Variants in LHX3 observed in about 807,000 individuals in gnomAD.
The protein encoded by LHX3 is LIM homeobox 3.
LHX3 carries 21 observed loss-of-function variants against 32.4 expected under a neutral mutation model. The observed-to-expected ratio is 0.65, with a 90% CI of 0.46 to 0.93. LHX3 has a LOEUF of 0.93. LHX3 is among the 40% of genes least tolerant of loss of function. The pLI is 0.00. For synonymous variants in LHX3, 258 were observed against 246.8 expected, an observed-to-expected ratio of 1.05 and a Z score of -0.43; for missense variants, 626 against 560.0, an observed-to-expected ratio of 1.12 and a Z score of -1.19.
intron 1 of LHX3, among the ~76,000 whole-genome samples, chr9:136,202,125 C>T (rs1387117219): frequency 1.3e-5 from 2 of 152,146 alleles, no homozygotes; most frequent in East Asian, 3.9e-4. Flanking sequence ...CTCCCGAGCG[C>T]GGGCGCGCAG....
chr9:136,197,235 G>T lies in LHX3; in HGVS notation c.*90C>A. 7.2e-7 allele frequency: 1 copy of T among 1,385,908 alleles called. No individual in the cohort carries two copies. The highest frequency in any genetic ancestry group is 1.0e-6 in the Non-Finnish European group (1 of 989,858). 85.9% of individuals were successfully genotyped at this position (1,385,908 alleles called of 1,614,324 possible). A position where few individuals can be genotyped will look rare whatever the true frequency, so the allele number is the denominator to read the frequency against. ...GCACCAGCCCTCCCTTGACGCCCTG[G>T]CCCCACTTCCTCGGAAACCCCAGCA... is the stretch of plus-strand genomic sequence containing the variant. On this transcript the variant is annotated 3_prime_UTR_variant, in exon 6 of 6. Transcript: ENST00000371748.
At chr9:136,202,107 G>A (rs1831654079) in intron 1 of LHX3, among the ~76,000 whole-genome samples, 2 of 152,090 alleles carry the variant, frequency 1.3e-5, no homozygotes, top group Admixed American at 1.3e-4. Context: ...CGCCCGCTCC[G>A]GCCAGCTCTC....
Position 136,200,655 on chromosome 9 carries a change from C to A in LHX3, c.178G>T (p.Asp60Tyr). The change falls in exon 2 of 6, where the codon GAC becomes TAC. Residue 60 changes from aspartate (D) to tyrosine (Y), a missense_variant. By Grantham distance (160) the Asp-to-Tyr change is radical. Coordinates refer to ENST00000371748, the MANE Select transcript of LHX3 (RefSeq NM_178138.6). ...CGCTCGGCCAGTGGCGTGTGGCAGT[C>A]GCTGCACTTGAGACACTTGCTGTGC... ...HWHSKCLKCSDCHTPLAERCF... is the reference protein window; with the variant it reads ...HWHSKCLKCSYCHTPLAERCF... The A allele has an allele frequency of 1.2e-6, 2 of 1,613,610 alleles. No individual in the cohort carries two copies. Among genetic ancestry groups the A allele is most frequent in the South Asian group, 2.2e-5 (2 of 91,078 alleles).
rs1430439163 is a variant in LHX3 at position 136,199,060 on chromosome 9, C to T, written c.455-1G>A. 2 of 1,532,850 alleles carry T rather than the reference C, an allele frequency of 1.3e-6. No homozygotes were observed. Among genetic ancestry groups the T allele is most frequent in the Non-Finnish European group, 1.7e-6 (2 of 1,146,184 alleles). 95.0% of individuals were successfully genotyped at this position (1,532,850 alleles called of 1,614,324 possible). On this transcript the variant is annotated splice_acceptor_variant, in intron 3 of 5. Transcript: ENST00000371748. LOFTEE classifies it high-confidence loss of function. ...GGCCGCTTGGCCGTGGCCTCGGCCT[C>T]TGCGCGGCGGGCGAGCGGTGAGGCG...
chr9:136,200,060 G>A (rs1421597712), intron 2 of LHX3, 180 bp from the exon 3 acceptor site: 1 of 710,552 alleles, frequency 1.4e-6, no homozygotes, highest in South Asian at 1.5e-5. Flanking sequence ...CACTGAGAAG[G>A]GAACCTCAAT....
intron 3 of LHX3, 72 bp downstream of exon 3, chr9:136,199,605 GC>G: frequency 6.7e-7 from 1 of 1,496,416 alleles, no homozygotes; most frequent in East Asian, 2.3e-5. Flanking sequence ...TTCCCCGGAC[GC>G]CCCCCTGGGC....
chr9:136,201,802 G>T, intron 1 of LHX3: 3 of 728,602 alleles, frequency 4.1e-6, no homozygotes, highest in African/African-American at 1.9e-5. Context: ...AGCTCCGGGT[G>T]CGGAGCGTCG....
rs534743255 is a variant in LHX3, at chr9:136,198,673, C to A, written c.754G>T (p.Asp252Tyr). The A allele has an allele frequency of 2.5e-6, 4 of 1,606,336 alleles. No homozygotes were observed. In the South Asian group the frequency reaches 3.3e-5, roughly 13 times the overall value. ...KDSVQEGQDS[D>Y]AEVSFPDEPS... ...CTACCGGGGAAGGAGACCTCAGCGTCGCTGTCCTGCCCCTCCTGAACGCTG... is the reference window on the plus strand; with the variant it reads ...CTACCGGGGAAGGAGACCTCAGCGTAGCTGTCCTGCCCCTCCTGAACGCTG... Residue 252 changes from aspartate (D) to tyrosine (Y), a missense_variant, in exon 5 of 6, where the codon GAC becomes TAC. Coordinates refer to ENST00000371748, the MANE Select transcript of LHX3 (RefSeq NM_178138.6).
rs1444845983 is a variant in LHX3, at chr9:136,197,261, G to T, written c.*64C>A. ...CCCCACTTCCTCGGAAACCCCAGCA[G>T]CCCCGAGCCGCCCACCCAGGGGCAG... is the stretch of plus-strand genomic sequence containing the variant. On this transcript the variant is annotated 3_prime_UTR_variant, in exon 6 of 6. Transcript: ENST00000371748. The T allele has an allele frequency of 4.5e-6, 7 of 1,565,500 alleles. No homozygotes were observed. The East Asian group carries it at 1.6e-4, about 35-fold the overall frequency.
rs771201500 is a variant in LHX3 at position 136,197,715 on chromosome 9, C to G, written c.804G>C (p.Pro268=). 28 of 1,604,620 alleles carry G rather than the reference C, an allele frequency of 1.7e-5. No individual in the cohort carries two copies. The highest frequency in any genetic ancestry group is 1.7e-5 in the Admixed American group (1 of 59,974). The change falls in exon 6 of 6, where the codon CCG becomes CCC. Residue 268 remains proline, a synonymous_variant. Coordinates refer to ENST00000371748, the MANE Select transcript of LHX3 (RefSeq NM_178138.6). The part of the protein sequence containing the change: ...PDEPSLAEMG[P]ANGLYGSLGE... ...CCAAGCTCCCGTAGAGGCCATTGGC[C>G]GGGCCCATTTCCGCCAAGGAAGGCT... is the stretch of plus-strand genomic sequence containing the variant.
intron 2 of LHX3, 68 bp downstream of exon 2, chr9:136,200,514 T>C: frequency 6.6e-7 from 1 of 1,521,924 alleles, no homozygotes; most frequent in South Asian, 1.2e-5. Flanking sequence ...TTGGTGATTG[T>C]GAGGGGAGGA....
rs1006580218 is a variant in LHX3 at position 136,204,991 on chromosome 9, C to G, written c.22G>C (p.Glu8Gln). ...GCCCCGGGCCTCGCTCGGTCGCGCT[C>G]GAGCCCCGTTTCCAGCAGCATCGCG... Reference protein sequence around the residue: MLLETGLERDRARPGAAA... With the variant: MLLETGLQRDRARPGAAA... The change falls in exon 1 of 6, where the codon GAG (glutamate) becomes CAG (glutamine). Residue 8 changes from glutamate (E) to glutamine (Q), a missense_variant. Transcript: ENST00000371748. The G allele has an allele frequency of 1.9e-6, 3 of 1,591,060 alleles. No individual in the cohort carries two copies. The highest frequency in any genetic ancestry group is 2.3e-5 in the East Asian group (1 of 44,198).
Position 136,199,864 on chromosome 9 carries a change from A to C in LHX3, c.268T>G (p.Cys90Gly). The C allele has an allele frequency of 1.3e-6, 2 of 1,597,752 alleles. No homozygotes were observed. The highest frequency in any genetic ancestry group is 1.7e-6 in the Non-Finnish European group (2 of 1,172,666). Reference protein sequence around the residue: ...DDFFKRFGTKCAACQLGIPPT... With the variant: ...DDFFKRFGTKGAACQLGIPPT... ...GGGATGCCCAGCTGGCACGCGGCGC[A>C]CTTGGTCCCGAAGCGCCTGCGGGAC... The change falls in exon 3 of 6, where the codon TGC (cysteine) becomes GGC (glycine). Residue 90 changes from cysteine to glycine, a missense_variant. Cys to Gly is a radical substitution (Grantham distance 159, BLOSUM62 -3). Coordinates refer to ENST00000371748, the MANE Select transcript of LHX3 (RefSeq NM_178138.6).
chr9:136,202,948 C>T (rs1831680478), intron 1 of LHX3: 1 of 1,532,296 alleles, frequency 6.5e-7, no homozygotes, highest in South Asian at 1.2e-5. Flanking sequence ...GCACCCACCT[C>T]GGCGCAGGTC....
rs560957407 is a variant in LHX3 at position 136,205,039 on chromosome 9, G to A, written c.-27C>T. The stretch of plus-strand genomic sequence containing the variant: ...GCGGCCACCAGGCCGAGTGGCGCGA[G>A]ACGCGCTCCTCCTAGGTCAGCGTCC... On this transcript the variant is annotated 5_prime_UTR_variant, in exon 1 of 6. Transcript: ENST00000371748. The A allele has an allele frequency of 1.9e-4, 297 of 1,554,660 alleles. No homozygotes were observed. The highest frequency in any genetic ancestry group is 2.4e-4 in the Non-Finnish European group (280 of 1,154,288).
At chr9:136,201,407 G>A in intron 1 of LHX3, 4 of 1,232,330 alleles carry the variant, frequency 3.2e-6, no homozygotes, top group Non-Finnish European at 4.0e-6. Flanking sequence ...TTACTCAAAC[G>A]TCTGGCTTCC....
intron 2 of LHX3, chr9:136,200,379 C>A: frequency 1.6e-6 from 1 of 616,722 alleles, no homozygotes. Flanking sequence ...CCCAGCCAGG[C>A]CCAGCCACCC....
At position 136,200,641 on chromosome 9, in the gene LHX3, T is replaced by C; in HGVS notation, c.192A>G (p.Pro64=). The C allele has an allele frequency of 6.2e-7, 1 of 1,613,608 alleles. No individual in the cohort carries two copies. Among genetic ancestry groups the C allele is most frequent in the South Asian group, 1.1e-5 (1 of 91,084 alleles). Residue 64 remains proline, a synonymous_variant, in exon 2 of 6, where the codon CCA becomes CCG. Coordinates refer to ENST00000371748, the MANE Select transcript of LHX3 (RefSeq NM_178138.6). ...CTCGGCTGAAGCAGCGCTCGGCCAG[T>C]GGCGTGTGGCAGTCGCTGCACTTGA... The part of the protein sequence containing the change: ...KCLKCSDCHT[P]LAERCFSRGE...
At chr9:136,199,112 C>T in intron 3 of LHX3, 53 bp from the exon 4 acceptor site, 2 of 1,116,792 alleles carry the variant, frequency 1.8e-6, no homozygotes, top group Non-Finnish European at 1.2e-6. Context: ...CCCGGCCGGA[C>T]CCCCAGCCCT....
Sources: gnomAD v4.1 joint callset for allele counts (sites outside exome capture counted in the v4.1 genomes callset) on GRCh38, gnomAD v4.1.1 for gene constraint, MANE v1.5 for transcripts, NCBI Gene and HGNC (gene_info 2026-07-23, HGNC 2026-07-21) for gene names.